The following PHF21A variants were observed in gnomAD, a reference collection of about 807,000 sequenced individuals.
PHF21A encodes the protein PHD finger protein 21A.
PHF21A carries 11 observed loss-of-function variants against 82.5 expected under a neutral mutation model. That is an observed-to-expected ratio of 0.13 (90% CI 0.08 to 0.22). The LOEUF (loss-of-function observed/expected upper bound fraction) is 0.22, where lower values mean the gene tolerates loss of function less well. PHF21A is among the 10% of genes least tolerant of loss of function. The pLI, the probability that PHF21A is intolerant of heterozygous loss-of-function variation, is 1.00. For missense variants in PHF21A, 579 were observed against 837.8 expected (o/e 0.69, Z 3.81); for synonymous variants, 297 against 302.8 (o/e 0.98, Z 0.20).
chr11:45,986,570 T>A (rs950533488), intron 6 of PHF21A, among the ~76,000 whole-genome samples: 1 of 152,204 alleles, frequency 6.6e-6, no homozygotes, highest in East Asian at 1.9e-4. Flanking sequence ...TATATTTATG[T>A]GTGATAAAAG....
intron 9 of PHF21A, among the ~76,000 whole-genome samples, chr11:45,967,126 C>T (rs375353258): frequency 3.3e-5 from 5 of 151,634 alleles, no homozygotes; most frequent in South Asian, 4.2e-4. Flanking sequence ...CCCAACAATT[C>T]GGGAGGCTGA....
rs2087681227 is a variant in PHF21A, at chr11:45,931,869, G to A, written c.*2099C>T. ...AAGGCAAGATGAGAGAATGGTCTGA[G>A]TCTTTCACAACCCTGGTTTTCTCAA... On this transcript the variant is annotated 3_prime_UTR_variant, in exon 19 of 19. Transcript: ENST00000676320. 1 of 152,280 alleles carries A rather than the reference G, an allele frequency of 6.6e-6. No individual in the cohort carries two copies. The highest frequency in any genetic ancestry group is 2.4e-5 in the African/African-American group (1 of 41,464). 9.4% of individuals were successfully genotyped at this position (152,280 alleles called of 1,614,324 possible). A position where few individuals can be genotyped will look rare whatever the true frequency, so the allele number is the denominator to read the frequency against.
intron 16 of PHF21A, chr11:45,936,814 T>G (rs2089178814): frequency 4.5e-6 from 2 of 445,668 alleles, no homozygotes; most frequent in African/African-American, 4.1e-5. Flanking sequence ...GAGCTGGGAC[T>G]TGGCTGAGCA....
chr11:45,963,539 C>T (rs1249734768), intron 10 of PHF21A, among the ~76,000 whole-genome samples: 3 of 151,598 alleles, frequency 2.0e-5, no homozygotes, highest in Non-Finnish European at 2.9e-5. Flanking sequence ...CTTTAGATTA[C>T]GGGGAAAAGC....
chr11:45,944,895 T>C (rs1195577474), intron 15 of PHF21A, among the ~76,000 whole-genome samples: 1 of 152,068 alleles, frequency 6.6e-6, no homozygotes, highest in Non-Finnish European at 1.5e-5. Context: ...GCCTCCAGAG[T>C]AACTGGGATT....
intron 6 of PHF21A, among the ~76,000 whole-genome samples, chr11:45,991,048 C>T (rs2136655862): frequency 6.6e-6 from 1 of 152,302 alleles, no homozygotes; most frequent in South Asian, 2.1e-4. Context: ...GCACAACCTT[C>T]CCTCACCCTC....
rs576763527 is a variant in PHF21A, at chr11:46,009,120, G to A, written c.154-29154C>T. On this transcript the variant is annotated intron_variant, in intron 6 of 18. Transcript: ENST00000676320. ...CTCCTGAGTAGCTGGGATTACAGGC[G>A]TGCATCACCATGCCCAGCTAATTTT... 2.6e-5 allele frequency among the ~76,000 whole-genome samples: 4 copies of A among 151,912 alleles called. No homozygotes were observed. In the South Asian group the frequency reaches 8.3e-4, roughly 32 times the overall value.
intron 10 of PHF21A, among the ~76,000 whole-genome samples, chr11:45,964,430 G>A (rs1388123938): frequency 6.6e-6 from 1 of 152,144 alleles, no homozygotes; most frequent in East Asian, 1.9e-4. Context: ...AGAAGACTAA[G>A]GCAGCAGGCA....
intron 5 of PHF21A, among the ~76,000 whole-genome samples, chr11:46,077,787 T>C (rs770717924): frequency 6.6e-6 from 1 of 152,248 alleles, no homozygotes; most frequent in Non-Finnish European, 1.5e-5. Context: ...GATCACCAAC[T>C]ATAACAGAAA....
chr11:46,038,017 G>T (rs1034933535), intron 6 of PHF21A, among the ~76,000 whole-genome samples: 8 of 151,740 alleles, frequency 5.3e-5, no homozygotes, highest in Non-Finnish European at 1.2e-4. Flanking sequence ...CTTTATTATA[G>T]AATTTCTTAA....
At chr11:45,946,541 A>G (rs1004852859) in intron 14 of PHF21A, among the ~76,000 whole-genome samples, 1 of 151,874 alleles carries the variant, frequency 6.6e-6, no homozygotes, top group African/African-American at 2.4e-5. Context: ...GTGCCCAGCT[A>G]ATTTTTTGTA....
At chr11:46,100,572 G>A (rs2097081448) in intron 1 of PHF21A, among the ~76,000 whole-genome samples, 1 of 152,130 alleles carries the variant, frequency 6.6e-6, no homozygotes, top group South Asian at 2.1e-4. Flanking sequence ...TAAAGGTCCT[G>A]TTAAGTAAGT....
At chr11:45,961,774 T>C (rs1200415289) in intron 10 of PHF21A, among the ~76,000 whole-genome samples, 4 of 152,174 alleles carry the variant, frequency 2.6e-5, no homozygotes, top group Non-Finnish European at 5.9e-5. Flanking sequence ...GTTAGCCCCA[T>C]TTTAGAGCGC....
rs369566250 is a variant in PHF21A, at chr11:46,079,229, G to A, written c.55-63C>T. The A allele has an allele frequency of 5.9e-6, 7 of 1,192,492 alleles. No individual in the cohort carries two copies. In the African/African-American group the frequency reaches 6.1e-5, roughly 10 times the overall value. 73.9% of individuals were successfully genotyped at this position (1,192,492 alleles called of 1,614,324 possible). On this transcript the variant is annotated intron_variant, in intron 4 of 18. Transcript: ENST00000676320. ...ATATTAACTCCCTATGGCTAATCAG[G>A]TTTGGACCAAAAAATCTAGGATTTT...
At chr11:46,000,897 G>A (rs995216301) in intron 6 of PHF21A, among the ~76,000 whole-genome samples, 1 of 151,850 alleles carries the variant, frequency 6.6e-6, no homozygotes, top group Non-Finnish European at 1.5e-5. Context: ...TCCAGCCTGG[G>A]CAACAAAAGT....
intron 6 of PHF21A, among the ~76,000 whole-genome samples, chr11:46,051,228 T>C (rs550979210): frequency 1.3e-5 from 2 of 152,194 alleles, no homozygotes; most frequent in African/African-American, 4.8e-5. Flanking sequence ...GATCTAATCA[T>C]TGCTGCTTTA....
chr11:46,029,445 G>A (rs1463265150), intron 6 of PHF21A, among the ~76,000 whole-genome samples: 3 of 151,966 alleles, frequency 2.0e-5, no homozygotes, highest in African/African-American at 7.3e-5. Flanking sequence ...CCTAATACAC[G>A]GGGAGGCCAA....
At chr11:45,943,787 A>G (rs1479009052) in intron 15 of PHF21A, among the ~76,000 whole-genome samples, 3 of 152,216 alleles carry the variant, frequency 2.0e-5, no homozygotes, top group African/African-American at 4.8e-5. Context: ...AGGAGATGAA[A>G]GTTAACATCA....
intron 6 of PHF21A, among the ~76,000 whole-genome samples, chr11:46,041,017 A>G (rs1418439489): frequency 1.3e-5 from 2 of 151,854 alleles, no homozygotes; most frequent in Non-Finnish European, 2.9e-5. Context: ...ACTAGATTTG[A>G]ACATGCCTCT....
Sources: allele counts gnomAD v4.1 joint callset (sites outside exome capture counted in the v4.1 genomes callset), GRCh38; gene constraint gnomAD v4.1.1; transcripts MANE v1.5; gene names NCBI Gene and HGNC (gene_info 2026-07-23, HGNC 2026-07-21).